The following CCSER1 variants were observed in gnomAD, a reference collection of about 807,000 sequenced individuals.
The protein encoded by CCSER1 is serine-rich coiled-coil domain-containing protein 1.
A neutral mutation model predicts 82.0 loss-of-function variants in CCSER1; 41 were observed. The ratio of observed to expected loss-of-function variants is 0.50; its 90% CI spans 0.39 to 0.65. The LOEUF (loss-of-function observed/expected upper bound fraction) is 0.65. Among genes scored for constraint, CCSER1 ranks in the 30% least tolerant of loss-of-function variants. The pLI, the probability that CCSER1 is intolerant of heterozygous loss-of-function variation, is 0.00. For synonymous variants in CCSER1, 414 were observed against 383.9 expected (o/e 1.08, Z -0.92); for missense variants, 1,119 against 1,064.2 (o/e 1.05, Z -0.72).
intron 5 of CCSER1, among the ~76,000 whole-genome samples, chr4:90,541,410 G>A (rs1048449063): frequency 6.6e-6 from 1 of 152,060 alleles, no homozygotes; most frequent in Non-Finnish European, 1.5e-5. Context: ...GAGAAAATGT[G>A]GAGAGCCCCG....
At position 91,023,360 on chromosome 4, in the gene CCSER1, G is replaced by T. The variant is rs1389120835; in HGVS notation, c.2173-62590G>T. On this transcript the variant is annotated intron_variant, in intron 9 of 10. Transcript: ENST00000509176. The stretch of plus-strand genomic sequence containing the variant: ...GCCCGCATTGCCAAGTCAATCCTAA[G>T]CCAAAAGAACAAAGCTGGAGACATC... Among the ~76,000 whole-genome samples, 4 of 152,232 alleles carry T rather than the reference G, an allele frequency of 2.6e-5. No individual in the cohort carries two copies. The South Asian group carries it at 8.3e-4, about 32-fold the overall frequency.
chr4:91,198,027 A>T (rs1735592667), intron 10 of CCSER1, among the ~76,000 whole-genome samples: 1 of 152,182 alleles, frequency 6.6e-6, no homozygotes, highest in African/African-American at 2.4e-5. Flanking sequence ...CTTAGTCTAA[A>T]CTGTCTTTAC....
chr4:90,779,501 A>G (rs562627994), intron 7 of CCSER1, among the ~76,000 whole-genome samples: 7 of 152,232 alleles, frequency 4.6e-5, no homozygotes, highest in South Asian at 2.1e-4. Context: ...TCTTTTCCCA[A>G]TGGTTAGCAT....
intron 10 of CCSER1, among the ~76,000 whole-genome samples, chr4:91,547,905 C>T (rs150162703): frequency 0.01 from 1,591 of 152,116 alleles, 21 homozygotes; most frequent in African/African-American, 0.036. Context: ...CCTCAGTCTC[C>T]CACGTAGCTG....
chr4:90,273,638 G>A (rs1184885868), intron 1 of CCSER1, among the ~76,000 whole-genome samples: 1 of 152,128 alleles, frequency 6.6e-6, no homozygotes, highest in Non-Finnish European at 1.5e-5. Context: ...ATCACTTACT[G>A]TATGGCAGTA....
intron 10 of CCSER1, among the ~76,000 whole-genome samples, chr4:91,159,036 T>G (rs1171137710): frequency 6.6e-6 from 1 of 151,946 alleles, no homozygotes; most frequent in African/African-American, 2.4e-5. Flanking sequence ...TCGGATCATA[T>G]TTCTCCCCTC....
chr4:91,559,436 T>C lies in CCSER1; in HGVS notation c.2218-39136T>C, dbSNP rs917130284. Among the ~76,000 whole-genome samples the C allele has an allele frequency of 2.0e-5, 3 of 151,522 alleles. No homozygotes were observed. In the Admixed American group the frequency reaches 2.0e-4, roughly 10 times the overall value. ...TCACATATTCTGCAAGGTTATTCTA[T>C]TAAGATGAAGGAATATTTTTCCCCC... On this transcript the variant is annotated intron_variant, in intron 10 of 10. Coordinates refer to ENST00000509176, the MANE Select transcript of CCSER1 (RefSeq NM_001145065.2).
At chr4:91,133,719 C>T (rs1728203934) in intron 10 of CCSER1, among the ~76,000 whole-genome samples, 1 of 152,124 alleles carries the variant, frequency 6.6e-6, no homozygotes, top group South Asian at 2.1e-4. Flanking sequence ...CCATTATTTA[C>T]TAAAAAACAA....
intron 10 of CCSER1, among the ~76,000 whole-genome samples, chr4:91,594,255 G>A (rs1005100816): frequency 6.6e-6 from 1 of 150,714 alleles, no homozygotes; most frequent in African/African-American, 2.4e-5. Flanking sequence ...TTTCCTCTGG[G>A]CCAAGGCAAC....
At chr4:91,587,622 G>A (rs1352188334) in intron 10 of CCSER1, among the ~76,000 whole-genome samples, 2 of 151,430 alleles carry the variant, frequency 1.3e-5, no homozygotes, top group African/African-American at 2.4e-5. Context: ...CATATCCATC[G>A]TTCATGAGAT....
At chr4:90,980,876 C>T (rs1319989533) in intron 9 of CCSER1, among the ~76,000 whole-genome samples, 1 of 151,838 alleles carries the variant, frequency 6.6e-6, no homozygotes, top group Non-Finnish European at 1.5e-5. Flanking sequence ...CACAGTTACT[C>T]TTTCATTATA....
At position 90,455,639 on chromosome 4, in the gene CCSER1, G is replaced by A. The variant is rs868070681; in HGVS notation, c.1604-12595G>A. Among the ~76,000 whole-genome samples the A allele has an allele frequency of 5.3e-5, 8 of 152,160 alleles. No individual in the cohort carries two copies. In the South Asian group the frequency reaches 8.3e-4, roughly 16 times the overall value. On this transcript the variant is annotated intron_variant, in intron 4 of 10. Coordinates refer to ENST00000509176, the MANE Select transcript of CCSER1 (RefSeq NM_001145065.2). ...TCTGACCTTATATCCCTAAATCCCCGTGATCTTTGCAGGTGTTGACCATGT... is the reference window on the plus strand; with the variant it reads ...TCTGACCTTATATCCCTAAATCCCCATGATCTTTGCAGGTGTTGACCATGT...
At chr4:91,463,102 A>AC (rs1233123786) in intron 10 of CCSER1, among the ~76,000 whole-genome samples, 2 of 152,022 alleles carry the variant, frequency 1.3e-5, no homozygotes, top group Admixed American at 6.6e-5. Context: ...ACTGGGAGGC[A>AC]CCCCCCAGTA....
chr4:90,221,108 A>G (rs1400128518), intron 1 of CCSER1, among the ~76,000 whole-genome samples: 1 of 152,156 alleles, frequency 6.6e-6, no homozygotes, highest in African/African-American at 2.4e-5. Context: ...AAAAAGTTGT[A>G]TCAATTTTTC....
intron 3 of CCSER1, among the ~76,000 whole-genome samples, chr4:90,345,702 A>G (rs73832769): frequency 0.071 from 10,859 of 152,110 alleles, 584 homozygotes; most frequent in East Asian, 0.19. Context: ...AACAACACAC[A>G]TGGCCCTTAC....
At chr4:91,337,408 T>A (rs1182572636) in intron 10 of CCSER1, among the ~76,000 whole-genome samples, 1 of 152,166 alleles carries the variant, frequency 6.6e-6, no homozygotes, top group East Asian at 1.9e-4. Context: ...ATAAATCCTG[T>A]TCAGTTAATC....
chr4:90,183,890 C>G (rs1734143509), intron 1 of CCSER1, among the ~76,000 whole-genome samples: 1 of 151,986 alleles, frequency 6.6e-6, no homozygotes, highest in South Asian at 2.1e-4. Flanking sequence ...TTTATCTATA[C>G]AATAAGTTGT....
intron 10 of CCSER1, among the ~76,000 whole-genome samples, chr4:91,485,914 C>T (rs1345253728): frequency 2.0e-5 from 3 of 151,992 alleles, no homozygotes; most frequent in Non-Finnish European, 4.4e-5. Flanking sequence ...GGAATATCTA[C>T]ATGAATATAT....
intron 8 of CCSER1, among the ~76,000 whole-genome samples, chr4:90,868,917 A>G (rs889890660): frequency 6.6e-5 from 10 of 151,992 alleles, no homozygotes; most frequent in African/African-American, 2.4e-4. Context: ...ATGAGATGAT[A>G]TCCCACTGGA....
Sources: gnomAD v4.1 joint callset for allele counts (sites outside exome capture counted in the v4.1 genomes callset) on GRCh38, gnomAD v4.1.1 for gene constraint, MANE v1.5 for transcripts, NCBI Gene and HGNC (gene_info 2026-07-23, HGNC 2026-07-21) for gene names.